Variants in MINK1 observed in about 807,000 individuals in gnomAD.
MINK1 encodes misshapen like kinase 1.
In MINK1, 46 loss-of-function variants were observed where a neutral mutation model predicts 178.4. The ratio of observed to expected loss-of-function variants is 0.26; its 90% CI spans 0.20 to 0.33. MINK1 has a LOEUF of 0.33. Among genes scored for constraint, MINK1 ranks in the 10% least tolerant of loss-of-function variants. The pLI, the probability that MINK1 is intolerant of heterozygous loss-of-function variation, is 1.00. For synonymous variants in MINK1, 797 were observed against 709.7 expected, an observed-to-expected ratio of 1.12 and a Z score of -1.96; for missense variants, 1,366 against 1,814.9, an observed-to-expected ratio of 0.75 and a Z score of 4.49.
chr17:4,840,582 G>T (rs1028598912), intron 1 of MINK1, among the ~76,000 whole-genome samples: 4 of 152,144 alleles, frequency 2.6e-5, no homozygotes, highest in African/African-American at 9.7e-5. Flanking sequence ...CCTAAGGGGT[G>T]CCTGGAGTTT....
Position 4,897,457 on chromosome 17 carries a change from G to C in MINK1, c.*170G>C. 1 of 599,076 alleles carries C rather than the reference G, an allele frequency of 1.7e-6. No individual in the cohort carries two copies. 37.1% of individuals were successfully genotyped at this position (599,076 alleles called of 1,614,324 possible). A position where few individuals can be genotyped will look rare whatever the true frequency, so the allele number is the denominator to read the frequency against. ...ACCCCTGATGCTTTCGTGATCACGTGACCATCCTCTTCCCCAACATGTCCT... is the reference window on the plus strand; with the variant it reads ...ACCCCTGATGCTTTCGTGATCACGTCACCATCCTCTTCCCCAACATGTCCT... On this transcript the variant is annotated 3_prime_UTR_variant, in exon 32 of 32. Coordinates refer to ENST00000355280, the MANE Select transcript of MINK1 (RefSeq NM_153827.5).
intron 4 of MINK1, 29 bp downstream of exon 4, chr17:4,881,286 C>G (rs767068936): frequency 6.5e-7 from 1 of 1,534,314 alleles, no homozygotes; most frequent in African/African-American, 1.4e-5. Context: ...CCCGCCTTCC[C>G]TCCCCGCAAT....
In MINK1 at chr17:4,869,084, C is replaced by T. The variant is rs557059216; in HGVS notation, c.58-9233C>T. On this transcript the variant is annotated intron_variant, in intron 1 of 31. Transcript: ENST00000355280. ...GACTACAGGCGCCAGCCACCACGCC[C>T]GGCTAATTTTTTTTTATTTTTAGTA... 5.3e-4 allele frequency among the ~76,000 whole-genome samples: 81 copies of T among 151,892 alleles called. 1 individual carries two copies. The East Asian group carries it at 0.014, about 27-fold the overall frequency.
At chr17:4,864,640 G>A (rs759738379) in intron 1 of MINK1, among the ~76,000 whole-genome samples, 2 of 151,994 alleles carry the variant, frequency 1.3e-5, no homozygotes, top group East Asian at 1.9e-4. Context: ...CAGGAGAATC[G>A]CTTGAACCCG....
Position 4,895,897 on chromosome 17 carries a change from G to A in MINK1, c.3364+65G>A, listed in dbSNP as rs1285261008. 6.3e-7 allele frequency: 1 copy of A among 1,586,542 alleles called. No individual in the cohort carries two copies. Among genetic ancestry groups the A allele is most frequent in the Non-Finnish European group, 8.6e-7 (1 of 1,164,870 alleles). On this transcript the variant is annotated intron_variant, in intron 27 of 31. Transcript: ENST00000355280. The surrounding 1 kb of genome is among the most constrained non-coding windows in gnomAD (Gnocchi z 4.3). ...CATGAAGAGAGAAATGGATCTGGGA[G>A]CCAGGGACTTGGGGCCTGGGTGGGG...
chr17:4,860,793 G>T (rs777313148), intron 1 of MINK1: 1 of 520,058 alleles, frequency 1.9e-6, no homozygotes, highest in Non-Finnish European at 3.8e-6. Flanking sequence ...GGACCACGGC[G>T]CTGTGTCCCT....
At chr17:4,865,819 C>T (rs375656866) in intron 1 of MINK1, among the ~76,000 whole-genome samples, 16 of 151,678 alleles carry the variant, frequency 1.1e-4, no homozygotes, top group African/African-American at 3.4e-4. Context: ...CACTTGAGTC[C>T]AGGAGTTCGA....
chr17:4,856,493 G>A (rs929934808), intron 1 of MINK1, among the ~76,000 whole-genome samples: 15 of 151,550 alleles, frequency 9.9e-5, no homozygotes, highest in Middle Eastern at 3.4e-3. Context: ...CACAGCTGCC[G>A]CACAGGGCCT....
Position 4,894,947 on chromosome 17 carries a change from TCTC to T in MINK1, c.2918-122_2918-120del, listed in dbSNP as rs1303733294. 14 of 1,045,126 alleles carry T rather than the reference TCTC, an allele frequency of 1.3e-5. No individual in the cohort carries two copies. The highest frequency in any genetic ancestry group is 1.9e-5 in the Non-Finnish European group (14 of 722,516). 64.7% of individuals were successfully genotyped at this position (1,045,126 alleles called of 1,614,324 possible). A position where few individuals can be genotyped will look rare whatever the true frequency, so the allele number is the denominator to read the frequency against. On this transcript the variant is annotated intron_variant, in intron 24 of 31. Transcript: ENST00000355280. This position sits in a 1 kb window ranked among gnomAD's most constrained non-coding sequence, Gnocchi z 4.1. ...CTATCCCCCTCTCCCATGCACCTCC[TCTC>T]CTCCTGTCTTTCTCCTCCTTTCTGC...
chr17:4,866,463 C>G (rs1449143851), intron 1 of MINK1, among the ~76,000 whole-genome samples: 1 of 149,974 alleles, frequency 6.7e-6, no homozygotes, highest in Non-Finnish European at 1.5e-5. Flanking sequence ...GAGACTCCGT[C>G]TCAAAATTAA....
chr17:4,836,782 T>C lies in MINK1; in HGVS notation c.57+3142T>C, dbSNP rs1048331341. Among the ~76,000 whole-genome samples the C allele has an allele frequency of 6.6e-6, 1 of 152,206 alleles. No individual in the cohort carries two copies. The highest frequency in any genetic ancestry group is 2.4e-5 in the African/African-American group (1 of 41,444). ...AAATAGCACTCCCTCCTCTGCTTTATTTTTATACAAAATTTTATATAGCAT... is the reference window on the plus strand; with the variant it reads ...AAATAGCACTCCCTCCTCTGCTTTACTTTTATACAAAATTTTATATAGCAT... On this transcript the variant is annotated intron_variant, in intron 1 of 31. Coordinates refer to ENST00000355280, the MANE Select transcript of MINK1 (RefSeq NM_153827.5). This position sits in a 1 kb window ranked among gnomAD's most constrained non-coding sequence, Gnocchi z 4.3.
At chr17:4,847,342 A>G in intron 1 of MINK1, 1 of 421,164 alleles carries the variant, frequency 2.4e-6, no homozygotes, top group South Asian at 1.7e-5. Context: ...CGGTTCAATC[A>G]ATTCTCCTGC....
chr17:4,889,812 T>TGCCTGCC, intron 13 of MINK1, 49 bp downstream of exon 13: 1 of 1,254,470 alleles, frequency 8.0e-7, no homozygotes. Context: ...CCGCTCCTGC[T>TGCCTGCC]GCCTGCCGCC....
At position 4,896,630 on chromosome 17, in the gene MINK1, G is replaced by T. The variant is rs778063805; in HGVS notation, c.3775+42G>T. ...CCTCCCAGCCACATGCCCCGAGGTG[G>T]CCCCGGGGTGCAGCCTGCTCAGCCC... On this transcript the variant is annotated intron_variant, in intron 30 of 31. Transcript: ENST00000355280. The surrounding 1 kb of genome is among the most constrained non-coding windows in gnomAD (Gnocchi z 4.6). The T allele has an allele frequency of 9.9e-6, 16 of 1,610,654 alleles. 1 individual carries two copies. In the South Asian group the frequency reaches 1.8e-4, roughly 18 times the overall value.
rs917250758 is a variant in MINK1, at chr17:4,894,521, A to G, written c.2809-4A>G. The G allele has an allele frequency of 6.3e-7, 1 of 1,592,176 alleles. No individual in the cohort carries two copies. Among genetic ancestry groups the G allele is most frequent in the African/African-American group, 1.3e-5 (1 of 74,484 alleles). Reference sequence around the variant, plus strand: ...TTTGCCTGACTGCTGTCCCCCTACCACAGTACCAGTCTCGTGGGCTGGTAA... The same window carrying G: ...TTTGCCTGACTGCTGTCCCCCTACCGCAGTACCAGTCTCGTGGGCTGGTAA... On this transcript the variant is annotated splice_region_variant and splice_polypyrimidine_tract_variant and intron_variant, in intron 23 of 31. Coordinates refer to ENST00000355280, the MANE Select transcript of MINK1 (RefSeq NM_153827.5). The surrounding 1 kb of genome is among the most constrained non-coding windows in gnomAD (Gnocchi z 4.1).
chr17:4,891,478 C>T lies in MINK1; in HGVS notation c.1763C>T (p.Pro588Leu). The T allele has an allele frequency of 1.3e-6, 2 of 1,592,616 alleles. No homozygotes were observed. Among genetic ancestry groups the T allele is most frequent in the Non-Finnish European group, 1.7e-6 (2 of 1,165,496 alleles). The part of the protein sequence containing the change: ...PHKSLVAHRV[P>L]LKPYAAPVPR... ...CAGAGCCTGGTGGCACACCGGGTCC[C>T]ACTGAAGCCATATGCAGCACCTGTA... is the stretch of plus-strand genomic sequence containing the variant. The change falls in exon 16 of 32, where the codon CCA becomes CTA. Residue 588 changes from proline to leucine, a missense_variant. Around this residue, in one of 14 missense-constraint regions of MINK1, gnomAD observed 709 missense variants for 692.3 expected, o/e 1.02. Coordinates refer to ENST00000355280, the MANE Select transcript of MINK1 (RefSeq NM_153827.5).
chr17:4,837,654 A>G (rs1341083855), intron 1 of MINK1, among the ~76,000 whole-genome samples: 1 of 152,218 alleles, frequency 6.6e-6, no homozygotes, highest in Non-Finnish European at 1.5e-5. Flanking sequence ...TGGATGGGAC[A>G]AGGAGGGGGC....
intron 4 of MINK1, among the ~76,000 whole-genome samples, chr17:4,884,109 C>T (rs1294734629): frequency 4.6e-5 from 7 of 151,316 alleles, no homozygotes; most frequent in Admixed American, 2.6e-4. Context: ...TCAGGTGATC[C>T]GCCTGCCTCA....
At chr17:4,855,353 G>A (rs1057030548) in intron 1 of MINK1, among the ~76,000 whole-genome samples, 2 of 151,684 alleles carry the variant, frequency 1.3e-5, no homozygotes, top group African/African-American at 4.9e-5. Context: ...GGGCGTGGTG[G>A]CGGGCGCCTG....
Sources: gnomAD v4.1 joint callset for allele counts (sites outside exome capture counted in the v4.1 genomes callset) on GRCh38, gnomAD v4.1.1 for gene constraint, gnomAD v4.1.1 regional missense constraint, Gnocchi (gnomAD v3.1) non-coding constraint, MANE v1.5 for transcripts, NCBI Gene and HGNC (gene_info 2026-07-23, HGNC 2026-07-21) for gene names.